Variants in MAST4 observed in about 807,000 individuals in gnomAD.
MAST4 encodes the protein microtubule-associated serine/threonine-protein kinase 4.
MAST4 carries 89 observed loss-of-function variants against 162.7 expected under a neutral mutation model. The ratio of observed to expected loss-of-function variants is 0.55; its 90% CI spans 0.46 to 0.65. The LOEUF is 0.65. Ranked by LOEUF, MAST4 falls within the 30% of genes least tolerant of loss-of-function variation. MAST4 has a pLI of 0.00. For synonymous variants in MAST4, 1,479 were observed against 1,361.1 expected, an observed-to-expected ratio of 1.09 and a Z score of -1.91; for missense variants, 3,153 against 3,374.0, an observed-to-expected ratio of 0.93 and a Z score of 1.62.
intron 4 of MAST4, among the ~76,000 whole-genome samples, chr5:66,944,125 A>G (rs1178645993): frequency 6.6e-6 from 1 of 152,110 alleles, no homozygotes; most frequent in Non-Finnish European, 1.5e-5. Context: ...TACAATTCCT[A>G]TTTCCTTCTG....
At chr5:66,865,412 A>G (rs993128008) in intron 3 of MAST4, among the ~76,000 whole-genome samples, 1 of 105,342 alleles carries the variant, frequency 9.5e-6, no homozygotes, top group Non-Finnish European at 2.5e-5. Flanking sequence ...TCAGTACACA[A>G]ATAGTTTTAA....
At chr5:66,675,747 CA>C (rs1747905445) in intron 1 of MAST4, among the ~76,000 whole-genome samples, 1 of 152,094 alleles carries the variant, frequency 6.6e-6, no homozygotes, top group Admixed American at 6.6e-5. Flanking sequence ...TGAACTGGAA[CA>C]AAGACCTGAA....
chr5:66,796,108 A>G (rs1263866854), intron 3 of MAST4, among the ~76,000 whole-genome samples: 3 of 152,178 alleles, frequency 2.0e-5, no homozygotes, highest in Non-Finnish European at 4.4e-5. Context: ...GAGCCCATCC[A>G]CAGAGTAGCT....
chr5:67,139,317 A>G (rs1338405468), intron 19 of MAST4, among the ~76,000 whole-genome samples: 2 of 152,264 alleles, frequency 1.3e-5, no homozygotes, highest in Non-Finnish European at 2.9e-5. Flanking sequence ...AGAGGCTGAG[A>G]AAAAGGGTGT....
chr5:66,812,792 T>G (rs932556360), intron 3 of MAST4, among the ~76,000 whole-genome samples: 1 of 152,188 alleles, frequency 6.6e-6, no homozygotes, highest in Non-Finnish European at 1.5e-5. Flanking sequence ...GAGCTGGTGC[T>G]CTTGACAATG....
intron 3 of MAST4, among the ~76,000 whole-genome samples, chr5:66,891,354 T>A (rs1484505136): frequency 6.6e-6 from 1 of 152,128 alleles, no homozygotes; most frequent in Non-Finnish European, 1.5e-5. Context: ...CCTCACTGCC[T>A]CTTCCTTGTT....
At chr5:66,924,740 A>G (rs1764774773) in intron 4 of MAST4, among the ~76,000 whole-genome samples, 1 of 152,210 alleles carries the variant, frequency 6.6e-6, no homozygotes, top group Admixed American at 6.5e-5. Context: ...GTAGGTGGTC[A>G]TTTTAGAAAA....
chr5:66,864,252 G>T (rs116777162), intron 3 of MAST4, among the ~76,000 whole-genome samples: 1 of 152,160 alleles, frequency 6.6e-6, no homozygotes, highest in Non-Finnish European at 1.5e-5. Context: ...TAGAGGAGGG[G>T]ACATTTGAAC....
intron 17 of MAST4, 95 bp downstream of exon 17, chr5:67,133,741 G>T (rs144806804): frequency 7.3e-7 from 1 of 1,363,594 alleles, no homozygotes; most frequent in African/African-American, 1.4e-5. Context: ...CTTCACATTA[G>T]TGCTGGTGGT....
At chr5:66,685,310 A>G (rs1421551039) in intron 1 of MAST4, among the ~76,000 whole-genome samples, 1 of 151,368 alleles carries the variant, frequency 6.6e-6, no homozygotes, top group East Asian at 1.9e-4. Flanking sequence ...ACAAAACCAC[A>G]CACCCCAAAA....
chr5:67,164,646 C>G lies in MAST4; in HGVS notation c.5467C>G (p.Pro1823Ala), dbSNP rs1312173957. 2.5e-6 allele frequency: 4 copies of G among 1,613,902 alleles called. No individual in the cohort carries two copies. The highest frequency in any genetic ancestry group is 8.5e-7 in the Non-Finnish European group (1 of 1,179,914). Reference protein sequence around the residue: ...PQASKTELPSPESAQSPSPSG... With the variant: ...PQASKTELPSAESAQSPSPSG... ...GGCCTCCAAGACAGAACTGCCTTCCCCAGAGTCTGCACAGAGCCCCAGCCC... is the reference window on the plus strand; with the variant it reads ...GGCCTCCAAGACAGAACTGCCTTCCGCAGAGTCTGCACAGAGCCCCAGCCC... The change falls in exon 29 of 29, where the codon CCA (proline) becomes GCA (alanine). Residue 1823 changes from proline (P) to alanine (A), a missense_variant. Pro to Ala is a conservative substitution (Grantham distance 27, BLOSUM62 -1). Coordinates refer to ENST00000403625, the MANE Select transcript of MAST4 (RefSeq NM_001164664.2). This position sits in a 1 kb window ranked among gnomAD's most constrained non-coding sequence, Gnocchi z 5.3.
intron 3 of MAST4, among the ~76,000 whole-genome samples, chr5:66,825,664 A>G (rs1464442667): frequency 6.6e-6 from 1 of 152,138 alleles, no homozygotes; most frequent in Non-Finnish European, 1.5e-5. Flanking sequence ...TTAAAATTTA[A>G]ATTTGACCTT....
At chr5:66,867,292 G>A (rs780474249) in intron 3 of MAST4, among the ~76,000 whole-genome samples, 4 of 152,172 alleles carry the variant, frequency 2.6e-5, no homozygotes, top group South Asian at 2.1e-4. Flanking sequence ...TTTATAAATC[G>A]TCTGATGTTA....
rs569649178 is a variant in MAST4 at position 66,699,535 on chromosome 5, A to C, written c.364-60174A>C. On this transcript the variant is annotated intron_variant, in intron 1 of 28. Coordinates refer to ENST00000403625, the MANE Select transcript of MAST4 (RefSeq NM_001164664.2). ...CAAATGCCCATCAGTGATAGACTGG[A>C]TGAAGAAAATATGGTACATATACAT... Among the ~76,000 whole-genome samples, 9 of 152,272 alleles carry C rather than the reference A, an allele frequency of 5.9e-5. No individual in the cohort carries two copies. The East Asian group carries it at 1.7e-3, about 29-fold the overall frequency.
At chr5:67,132,407 T>G (rs1769094562) in intron 16 of MAST4, among the ~76,000 whole-genome samples, 1 of 151,974 alleles carries the variant, frequency 6.6e-6, no homozygotes, top group Non-Finnish European at 1.5e-5. Context: ...GAGTTAATTT[T>G]TTTAAGTTTT....
chr5:67,124,313 G>A lies in MAST4; in HGVS notation c.1745+3211G>A, dbSNP rs75434862. 6.4e-4 allele frequency among the ~76,000 whole-genome samples: 98 copies of A among 152,286 alleles called. No homozygotes were observed. The East Asian group carries it at 0.016, about 25-fold the overall frequency. On this transcript the variant is annotated intron_variant, in intron 14 of 28. Coordinates refer to ENST00000403625, the MANE Select transcript of MAST4 (RefSeq NM_001164664.2). ...CCAAAAAGCAGAGAAGAAATGTGGA[G>A]CCATATCAGTTCAGTACAACTTCTA...
chr5:67,166,570 G>T lies in MAST4; in HGVS notation c.7391G>T (p.Ser2464Ile). The T allele has an allele frequency of 6.2e-7, 1 of 1,605,650 alleles. No individual in the cohort carries two copies. Among genetic ancestry groups the T allele is most frequent in the Non-Finnish European group, 8.5e-7 (1 of 1,176,262 alleles). ...GAAAAGTCTCTGAGCTGCTCCTCCAGCTTCCCTGAAACCAGGGCCGGAGTT... is the reference window on the plus strand; with the variant it reads ...GAAAAGTCTCTGAGCTGCTCCTCCATCTTCCCTGAAACCAGGGCCGGAGTT... ...LPEKSLSCSS[S>I]FPETRAGVRE... The change falls in exon 29 of 29, where the codon AGC becomes ATC. Residue 2464 changes from serine (S) to isoleucine (I), a missense_variant. By Grantham distance (142) the Ser-to-Ile change is moderately radical. Around this residue, in one of 7 missense-constraint regions of MAST4, gnomAD observed 1,644 missense variants for 1,495.0 expected, o/e 1.10. Coordinates refer to ENST00000403625, the MANE Select transcript of MAST4 (RefSeq NM_001164664.2).
At chr5:67,049,010 T>C (rs182506801) in intron 4 of MAST4, among the ~76,000 whole-genome samples, 3,093 of 93,878 alleles carry the variant, frequency 0.033, 120 homozygotes, top group African/African-American at 0.079. Context: ...TACACACACA[T>C]ATATATATAT....
intron 4 of MAST4, among the ~76,000 whole-genome samples, chr5:67,019,523 A>T (rs1251806781): frequency 6.6e-6 from 1 of 152,230 alleles, no homozygotes; most frequent in Non-Finnish European, 1.5e-5. Flanking sequence ...AGGCCAATTA[A>T]TATATTTTTG....
Sources: allele counts gnomAD v4.1 joint callset (sites outside exome capture counted in the v4.1 genomes callset), GRCh38; gene constraint gnomAD v4.1.1; regional missense constraint gnomAD v4.1.1; non-coding constraint Gnocchi (gnomAD v3.1); transcripts MANE v1.5; gene names NCBI Gene and HGNC (gene_info 2026-07-23, HGNC 2026-07-21).